The following DTHD1 variants were observed in gnomAD, a reference collection of about 807,000 sequenced individuals.
DTHD1 encodes death domain-containing protein 1.
In DTHD1, 59 loss-of-function variants were observed where a neutral mutation model predicts 74.8. That is an observed-to-expected ratio of 0.79 (90% CI 0.64 to 0.98). The LOEUF is 0.98. Ranked by LOEUF, DTHD1 falls within the 50% of genes least tolerant of loss-of-function variation. The probability of loss-of-function intolerance (pLI) is 0.00; values close to 1 mark genes in which losing one functional copy is unlikely to be tolerated. For synonymous variants in DTHD1, 365 were observed against 371.1 expected (o/e 0.98, Z 0.19); for missense variants, 1,051 against 1,065.4 (o/e 0.99, Z 0.19).
At chr4:36,331,811 T>A (rs1758694884) in intron 8 of DTHD1, among the ~76,000 whole-genome samples, 1 of 152,174 alleles carries the variant, frequency 6.6e-6, no homozygotes, top group Non-Finnish European at 1.5e-5. Context: ...GTGCTAAAAG[T>A]ATCAGAAAGT....
intron 8 of DTHD1, among the ~76,000 whole-genome samples, chr4:36,320,619 A>G (rs1757987715): frequency 6.6e-6 from 1 of 152,256 alleles, no homozygotes; most frequent in Non-Finnish European, 1.5e-5. Context: ...GTCTTCAGAA[A>G]TAAGTTTGTC....
chr4:36,284,342 C>T lies in DTHD1; in HGVS notation c.638C>T (p.Pro213Leu), dbSNP rs908859456. The change falls in exon 2 of 10, where the codon CCA (proline) becomes CTA (leucine). Residue 213 changes from proline (P) to leucine (L), a missense_variant. By Grantham distance (98) the Pro-to-Leu change is moderately conservative. Transcript: ENST00000639862. ...GAAGAGTCACAGAATAAAATGTTCCCAGATAATGCAGAAAATGAAGATGAT... is the reference window on the plus strand; with the variant it reads ...GAAGAGTCACAGAATAAAATGTTCCTAGATAATGCAGAAAATGAAGATGAT... The part of the protein sequence containing the change: ...GQEESQNKMF[P>L]DNAENEDDKQ... The T allele has an allele frequency of 1.1e-5, 17 of 1,536,974 alleles. No homozygotes were observed. In the African/African-American group the frequency reaches 2.3e-4, roughly 21 times the overall value.
chr4:36,294,644 T>TTATAAAATATTTATAATA, intron 4 of DTHD1, 151 bp from the exon 5 acceptor site: 1 of 622,746 alleles, frequency 1.6e-6, no homozygotes, highest in Non-Finnish European at 2.3e-6. Flanking sequence ...TATAAATATT[T>TTATAAAATATTTATAATA]TATAAAATGC....
chr4:36,291,073 T>C (rs1263825867), intron 3 of DTHD1, among the ~76,000 whole-genome samples: 1 of 152,262 alleles, frequency 6.6e-6, no homozygotes, highest in Admixed American at 6.5e-5. Flanking sequence ...TGATAGTAGC[T>C]TTAATTTTTA....
chr4:36,319,977 A>G (rs1757959865), intron 8 of DTHD1, among the ~76,000 whole-genome samples: 1 of 152,130 alleles, frequency 6.6e-6, no homozygotes, highest in Admixed American at 6.5e-5. Flanking sequence ...CCTTTGTACC[A>G]GGTTAAGTGT....
intron 2 of DTHD1, among the ~76,000 whole-genome samples, chr4:36,287,362 G>A (rs1173569515): frequency 1.3e-5 from 2 of 152,004 alleles, no homozygotes; most frequent in Non-Finnish European, 2.9e-5. Flanking sequence ...ATATGTATAT[G>A]TAACAATTTC....
intron 3 of DTHD1, among the ~76,000 whole-genome samples, chr4:36,291,132 G>A (rs1179966735): frequency 6.6e-6 from 1 of 152,212 alleles, no homozygotes; most frequent in African/African-American, 2.4e-5. Context: ...ATTTGTGTAT[G>A]TGTTTGTGTA....
At chr4:36,318,616 T>C (rs113708254) in intron 8 of DTHD1, among the ~76,000 whole-genome samples, 4 of 139,940 alleles carry the variant, frequency 2.9e-5, no homozygotes, top group Admixed American at 7.0e-5. Flanking sequence ...TCTTTTCTTT[T>C]TTTTTTTTTT....
At chr4:36,324,139 C>T (rs997431101) in intron 8 of DTHD1, among the ~76,000 whole-genome samples, 2 of 151,544 alleles carry the variant, frequency 1.3e-5, no homozygotes, top group African/African-American at 2.4e-5. Flanking sequence ...CCTTCTCCTC[C>T]CCCCCATTCC....
At chr4:36,312,887 C>T (rs1162288587) in intron 7 of DTHD1, among the ~76,000 whole-genome samples, 2 of 152,090 alleles carry the variant, frequency 1.3e-5, no homozygotes, top group East Asian at 1.9e-4. Context: ...ATTATAACTG[C>T]GTTGAGAATA....
chr4:36,305,483 C>A (rs1003816553), intron 5 of DTHD1, among the ~76,000 whole-genome samples: 3 of 152,082 alleles, frequency 2.0e-5, no homozygotes, highest in Non-Finnish European at 2.9e-5. Context: ...GGGGAAACTG[C>A]CCCCATGATT....
chr4:36,305,039 G>A (rs1389149624), intron 5 of DTHD1, among the ~76,000 whole-genome samples: 2 of 152,120 alleles, frequency 1.3e-5, no homozygotes. Context: ...AGTATCACAT[G>A]GTACATACAG....
chr4:36,300,295 T>A (rs776210329), intron 5 of DTHD1, among the ~76,000 whole-genome samples: 2 of 152,206 alleles, frequency 1.3e-5, no homozygotes, highest in African/African-American at 4.8e-5. Context: ...TGGGGCTACA[T>A]TAGCCTTCTT....
chr4:36,313,772 A>G (rs1205345679), intron 7 of DTHD1, among the ~76,000 whole-genome samples: 1 of 152,186 alleles, frequency 6.6e-6, no homozygotes, highest in Non-Finnish European at 1.5e-5. Flanking sequence ...ACCATTTCTT[A>G]TGAATAATTG....
chr4:36,341,467 C>T (rs1320817186), intron 9 of DTHD1, among the ~76,000 whole-genome samples: 7 of 151,988 alleles, frequency 4.6e-5, no homozygotes, highest in African/African-American at 1.4e-4. Context: ...CAGACATGGG[C>T]TGAGTGAAAC....
intron 8 of DTHD1, among the ~76,000 whole-genome samples, chr4:36,319,160 T>C (rs1267836863): frequency 6.6e-6 from 1 of 152,226 alleles, no homozygotes; most frequent in Non-Finnish European, 1.5e-5. Context: ...GTTCATGTAT[T>C]TTCTATTTTC....
chr4:36,295,676 G>A (rs527917796), intron 5 of DTHD1, among the ~76,000 whole-genome samples: 5 of 152,148 alleles, frequency 3.3e-5, no homozygotes, highest in African/African-American at 9.6e-5. Context: ...CAGTTACCTG[G>A]AGAATATTAA....
chr4:36,310,937 G>A (rs781115607), intron 7 of DTHD1, among the ~76,000 whole-genome samples: 8 of 152,134 alleles, frequency 5.3e-5, no homozygotes, highest in African/African-American at 7.2e-5. Flanking sequence ...AAACCACAGC[G>A]TCCACCCTGG....
chr4:36,304,533 G>C (rs1239078165), intron 5 of DTHD1, among the ~76,000 whole-genome samples: 1 of 152,162 alleles, frequency 6.6e-6, no homozygotes, highest in Non-Finnish European at 1.5e-5. Context: ...TTAACTTCTA[G>C]TTAAAACTAG....
Sources: gnomAD v4.1 joint callset for allele counts (sites outside exome capture counted in the v4.1 genomes callset) on GRCh38, gnomAD v4.1.1 for gene constraint, MANE v1.5 for transcripts, NCBI Gene and HGNC (gene_info 2026-07-23, HGNC 2026-07-21) for gene names.